Variants in MGAT4C observed in about 807,000 individuals in gnomAD.
MGAT4C encodes alpha-1,3-mannosyl-glycoprotein 4-beta-N-acetylglucosaminyltransferase C.
In MGAT4C, 19 loss-of-function variants were observed where a neutral mutation model predicts 40.1. The observed-to-expected ratio is 0.47, with a 90% CI of 0.33 to 0.70. The LOEUF (loss-of-function observed/expected upper bound fraction) is 0.70. Among genes scored for constraint, MGAT4C ranks in the 30% least tolerant of loss-of-function variants. The pLI is 0.02. For missense variants in MGAT4C, 491 were observed against 563.2 expected (o/e 0.87, Z 1.30); for synonymous variants, 181 against 187.1 (o/e 0.97, Z 0.27).
At chr12:86,181,358 T>C (rs933296309) in intron 1 of MGAT4C, among the ~76,000 whole-genome samples, 1 of 152,180 alleles carries the variant, frequency 6.6e-6, no homozygotes, top group African/African-American at 2.4e-5. Flanking sequence ...CCAGAGTTGA[T>C]ACTGATGTCA....
At position 86,263,370 on chromosome 12, in the gene MGAT4C, ACTCT is replaced by A. The variant is rs953437490; in HGVS notation, c.-57+70691_-57+70694del. ...CTGAGTCACTATTATCTATCATTAT[ACTCT>A]CTATGTCCATGTTTCTACATTTGTA... On this transcript the variant is annotated intron_variant, in intron 4 of 7. Coordinates refer to the MGAT4C transcript ENST00000548651. 6.6e-5 allele frequency among the ~76,000 whole-genome samples: 10 copies of A among 151,804 alleles called. No individual in the cohort carries two copies. The East Asian group carries it at 1.5e-3, about 23-fold the overall frequency.
intron 2 of MGAT4C, among the ~76,000 whole-genome samples, chr12:86,451,478 T>C (rs141482947): frequency 9.3e-4 from 141 of 152,284 alleles, no homozygotes; most frequent in African/African-American, 3.2e-3. Context: ...TAAGCTCCTT[T>C]TGTAGATTTT....
chr12:86,829,625 G>A (rs1054089586), intron 1 of MGAT4C, among the ~76,000 whole-genome samples: 2 of 151,282 alleles, frequency 1.3e-5, no homozygotes, highest in African/African-American at 2.4e-5. Flanking sequence ...TGATTTCAGT[G>A]ACCTATAGCA....
At chr12:86,130,430 G>A (rs1266437584) in intron 1 of MGAT4C, among the ~76,000 whole-genome samples, 25 of 151,816 alleles carry the variant, frequency 1.6e-4, no homozygotes, top group Non-Finnish European at 1.5e-5. Context: ...GATTTTTTAG[G>A]GTAACTATAT....
intron 3 of MGAT4C, among the ~76,000 whole-genome samples, chr12:86,394,639 C>CTT (rs535415248): frequency 1.1e-5 from 1 of 89,780 alleles, no homozygotes; most frequent in Non-Finnish European, 2.5e-5. Context: ...TATATATGTA[C>CTT]TTTTTTTTTT....
At chr12:86,483,364 T>C (rs6538044) in intron 2 of MGAT4C, among the ~76,000 whole-genome samples, 137,704 of 152,172 alleles carry the variant, frequency 0.9, 62,452 homozygotes, top group East Asian at 1. Context: ...ATAATTCCTC[T>C]TTATAGAGGC....
intron 2 of MGAT4C, among the ~76,000 whole-genome samples, chr12:86,580,069 A>G (rs1374703335): frequency 6.6e-6 from 1 of 151,308 alleles, no homozygotes; most frequent in Non-Finnish European, 1.5e-5. Context: ...TTGTACTTGG[A>G]TATTGATATC....
At chr12:86,591,212 T>C (rs529255745) in intron 2 of MGAT4C, among the ~76,000 whole-genome samples, 2 of 152,000 alleles carry the variant, frequency 1.3e-5, no homozygotes, top group East Asian at 1.9e-4. Context: ...AGTTAGCAAA[T>C]AGTAACTTCC....
rs79765580 is a variant in MGAT4C at position 86,571,605 on chromosome 12, C to G, written c.-228-136340G>C. Reference sequence around the variant, plus strand: ...TTATGAATACAGTATGCGTGAGTGTCTGTGTGTGTGTATGTGTGTGCACGT... The same window carrying G: ...TTATGAATACAGTATGCGTGAGTGTGTGTGTGTGTGTATGTGTGTGCACGT... On this transcript the variant is annotated intron_variant, in intron 2 of 7. Coordinates refer to the MGAT4C transcript ENST00000548651. 6.1e-3 allele frequency among the ~76,000 whole-genome samples: 930 copies of G among 151,870 alleles called. 9 individuals are homozygous for G. Among genetic ancestry groups the G allele is most frequent in the Non-Finnish European group, 0.011 (731 of 67,900 alleles).
rs147166047 is a variant in MGAT4C, at chr12:86,186,380, C to A, written c.-57+69859G>T. On this transcript the variant is annotated intron_variant, in intron 1 of 4. Transcript: ENST00000611864. Reference sequence around the variant, plus strand: ...CTGAGGTCACTCACTGAGTTTAAATCATTCACATGGTGTCCGTGGCTTTCA... The same window carrying A: ...CTGAGGTCACTCACTGAGTTTAAATAATTCACATGGTGTCCGTGGCTTTCA... Among the ~76,000 whole-genome samples, 213 of 152,256 alleles carry A rather than the reference C, an allele frequency of 1.4e-3. 2 individuals carry two copies. The highest frequency in any genetic ancestry group is 3.4e-3 in the Middle Eastern group (1 of 294).
chr12:86,179,911 A>G (rs908558795), intron 1 of MGAT4C, among the ~76,000 whole-genome samples: 1 of 152,244 alleles, frequency 6.6e-6, no homozygotes, highest in Admixed American at 6.5e-5. Context: ...TTGCATAAGT[A>G]GCAAAGATAC....
At chr12:86,562,869 T>C (rs763584325) in intron 2 of MGAT4C, among the ~76,000 whole-genome samples, 1 of 152,198 alleles carries the variant, frequency 6.6e-6, no homozygotes, top group Non-Finnish European at 1.5e-5. Context: ...CCAGGGATTC[T>C]GCATTTAATG....
At chr12:86,589,454 A>T in intron 2 of MGAT4C, among the ~76,000 whole-genome samples, 1 of 152,040 alleles carries the variant, frequency 6.6e-6, no homozygotes, top group South Asian at 2.1e-4. Context: ...ATGGATTCAC[A>T]GCCGAATTCT....
At chr12:86,625,520 A>G (rs1012928975) in intron 2 of MGAT4C, among the ~76,000 whole-genome samples, 10 of 152,294 alleles carry the variant, frequency 6.6e-5, no homozygotes, top group South Asian at 6.2e-4. Flanking sequence ...GAGCTGGTAG[A>G]AGAAAGAATC....
At chr12:86,214,970 A>G (rs913428945) in intron 1 of MGAT4C, among the ~76,000 whole-genome samples, 4 of 152,082 alleles carry the variant, frequency 2.6e-5, no homozygotes, top group African/African-American at 9.7e-5. Flanking sequence ...CAATTTTCCA[A>G]CTTATTCTAT....
At chr12:86,341,462 C>A (rs1954902972) in intron 3 of MGAT4C, among the ~76,000 whole-genome samples, 1 of 152,202 alleles carries the variant, frequency 6.6e-6, no homozygotes, top group African/African-American at 2.4e-5. Context: ...AGGTTAGACT[C>A]CTGTACATAA....
chr12:86,327,804 A>T (rs1428919428), intron 4 of MGAT4C, among the ~76,000 whole-genome samples: 1 of 152,130 alleles, frequency 6.6e-6, no homozygotes, highest in African/African-American at 2.4e-5. Flanking sequence ...CATCTTTCAT[A>T]ATTTGCACAA....
At chr12:86,289,067 C>T (rs1006344489) in intron 4 of MGAT4C, among the ~76,000 whole-genome samples, 2 of 152,046 alleles carry the variant, frequency 1.3e-5, no homozygotes, top group African/African-American at 2.4e-5. Flanking sequence ...AATCATTAAT[C>T]CATCTTGATT....
At chr12:86,605,085 G>A (rs912127272) in intron 2 of MGAT4C, among the ~76,000 whole-genome samples, 7 of 152,100 alleles carry the variant, frequency 4.6e-5, no homozygotes, top group African/African-American at 1.7e-4. Flanking sequence ...CAGTGCTTCA[G>A]GGAATGTTTT....
Sources: gnomAD v4.1 joint callset for allele counts (sites outside exome capture counted in the v4.1 genomes callset) on GRCh38, gnomAD v4.1.1 for gene constraint, MANE v1.5 for transcripts, NCBI Gene and HGNC (gene_info 2026-07-23, HGNC 2026-07-21) for gene names.